GPHN: variants seen among roughly 807,000 people sequenced by gnomAD.
GPHN encodes gephyrin.
GPHN carries 17 observed loss-of-function variants against 95.5 expected under a neutral mutation model. That is an observed-to-expected ratio of 0.18 (90% CI 0.12 to 0.27). The LOEUF is 0.27. Among genes scored for constraint, GPHN ranks in the 10% least tolerant of loss-of-function variants. The probability of loss-of-function intolerance (pLI) is 1.00; values close to 1 mark genes in which losing one functional copy is unlikely to be tolerated. For missense variants in GPHN, 660 were observed against 978.1 expected (o/e 0.67, Z 4.34); for synonymous variants, 320 against 322.5 (o/e 0.99, Z 0.08).
chr14:67,418,643 G>T, the GPHN span, among the ~76,000 whole-genome samples: 1 of 152,212 alleles, frequency 6.6e-6, no homozygotes, highest in Non-Finnish European at 1.5e-5. Context: ...ATGTGAGTGC[G>T]AAGTCAGCCT....
the GPHN span, among the ~76,000 whole-genome samples, chr14:67,590,958 T>C: frequency 4.1e-3 from 618 of 152,158 alleles, 6 homozygotes; most frequent in African/African-American, 0.014. Flanking sequence ...TATGTAAATA[T>C]TGAAAAATGT....
At chr14:66,809,742 C>G (rs1359376395) in intron 3 of GPHN, among the ~76,000 whole-genome samples, 4 of 152,224 alleles carry the variant, frequency 2.6e-5, no homozygotes, top group Non-Finnish European at 5.9e-5. Flanking sequence ...TGGTACTATT[C>G]ACTTAACTGA....
chr14:66,722,954 C>G (rs2070889974), intron 2 of GPHN, among the ~76,000 whole-genome samples: 1 of 152,184 alleles, frequency 6.6e-6, no homozygotes, highest in Non-Finnish European at 1.5e-5. Context: ...CAAAGTGACA[C>G]TCTTTTTCCC....
chr14:67,475,834 C>T, the GPHN span, among the ~76,000 whole-genome samples: 1 of 152,250 alleles, frequency 6.6e-6, no homozygotes, highest in African/African-American at 2.4e-5. Flanking sequence ...GCACCACTTA[C>T]CTGGCCCATT....
chr14:67,449,662 C>T, the GPHN span, among the ~76,000 whole-genome samples: 8 of 152,142 alleles, frequency 5.3e-5, no homozygotes, highest in Non-Finnish European at 1.2e-4. Flanking sequence ...GTGTTCCCAC[C>T]CAAATCTCAT....
At chr14:67,457,323 C>T in the GPHN span, among the ~76,000 whole-genome samples, 58 of 152,294 alleles carry the variant, frequency 3.8e-4, no homozygotes, top group Middle Eastern at 3.4e-3. Flanking sequence ...GCAGGGCATG[C>T]TGGCTCACGC....
the GPHN span, among the ~76,000 whole-genome samples, chr14:67,368,890 G>A: frequency 6.6e-6 from 1 of 151,956 alleles, no homozygotes; most frequent in Non-Finnish European, 1.5e-5. Flanking sequence ...ATACACTATT[G>A]TAAAAGCCAA....
At chr14:67,655,166 C>A in the GPHN span, among the ~76,000 whole-genome samples, 1 of 151,846 alleles carries the variant, frequency 6.6e-6, no homozygotes, top group African/African-American at 2.4e-5. Flanking sequence ...ATAATGAGAC[C>A]CCGTTTTTAC....
chr14:66,981,750 A>T (rs1359106965), intron 9 of GPHN, among the ~76,000 whole-genome samples: 1 of 152,200 alleles, frequency 6.6e-6, no homozygotes, highest in Non-Finnish European at 1.5e-5. Flanking sequence ...ATGTAATTTT[A>T]TTCTAAACTG....
chr14:67,612,761 A>C, the GPHN span, among the ~76,000 whole-genome samples: 3 of 151,724 alleles, frequency 2.0e-5, no homozygotes, highest in African/African-American at 4.8e-5. Flanking sequence ...ATGTGGTGAG[A>C]CCCTCCCCAT....
At chr14:66,572,633 AT>A (rs1346862287) in intron 1 of GPHN, among the ~76,000 whole-genome samples, 2 of 150,818 alleles carry the variant, frequency 1.3e-5, no homozygotes, top group South Asian at 2.1e-4. Flanking sequence ...ACTTTACTGA[AT>A]CTTTGGTTAG....
At chr14:67,561,930 ATCT>A in the GPHN span, 1 of 1,586,484 alleles carries the variant, frequency 6.3e-7, no homozygotes, top group East Asian at 2.2e-5. Context: ...GGTGTCCTAA[ATCT>A]TCATTTTTCT....
the GPHN span, among the ~76,000 whole-genome samples, chr14:67,575,230 C>A: frequency 6.6e-6 from 1 of 152,142 alleles, no homozygotes. Context: ...TGTCATGGCA[C>A]CCTCACTGTG....
At chr14:66,514,316 T>C (rs2058155416) in intron 1 of GPHN, among the ~76,000 whole-genome samples, 1 of 148,010 alleles carries the variant, frequency 6.8e-6, no homozygotes, top group African/African-American at 2.4e-5. Flanking sequence ...TTCTTCTGCG[T>C]TATTGACACT....
At chr14:66,632,562 G>A (rs575689958) in intron 1 of GPHN, among the ~76,000 whole-genome samples, 2 of 146,856 alleles carry the variant, frequency 1.4e-5, no homozygotes, top group East Asian at 2.0e-4. Context: ...GTGTGCTCTC[G>A]GCTCACTGCA....
the GPHN span, chr14:67,579,509 G>A: frequency 1.5e-6 from 1 of 651,282 alleles, no homozygotes; most frequent in East Asian, 2.8e-5. Context: ...GTTGGTAAAG[G>A]AGGGACCCAG....
At chr14:66,913,565 A>G (rs186023853) in intron 5 of GPHN, among the ~76,000 whole-genome samples, 92 of 151,998 alleles carry the variant, frequency 6.1e-4, no homozygotes, top group Admixed American at 1.5e-3. Context: ...CTGGTCTCGA[A>G]CTCTGACCTT....
chr14:66,754,632 T>A (rs1375872312), intron 2 of GPHN, among the ~76,000 whole-genome samples: 1 of 152,000 alleles, frequency 6.6e-6, no homozygotes, highest in Non-Finnish European at 1.5e-5. Context: ...TACTATTCTG[T>A]AAAATTATTA....
At chr14:67,202,517 C>A in the GPHN span, among the ~76,000 whole-genome samples, 1 of 152,150 alleles carries the variant, frequency 6.6e-6, no homozygotes, top group Non-Finnish European at 1.5e-5. Context: ...ATATTCAAAA[C>A]TCATCATTCC....
Sources: allele counts gnomAD v4.1 joint callset (sites outside exome capture counted in the v4.1 genomes callset), GRCh38; gene constraint gnomAD v4.1.1; transcripts MANE v1.5; gene names NCBI Gene and HGNC (gene_info 2026-07-23, HGNC 2026-07-21).